Variants in C1orf174 observed in about 807,000 individuals in gnomAD.
C1orf174 encodes the protein UPF0688 protein C1orf174.
Under a neutral mutation model 18.4 loss-of-function variants are expected in C1orf174, and 13 were observed. The observed-to-expected ratio is 0.71, with a 90% CI of 0.46 to 1.12. The LOEUF (loss-of-function observed/expected upper bound fraction) is 1.12, where lower values mean the gene tolerates loss of function less well. C1orf174 is among the 50% of genes most tolerant of loss of function. The pLI is 0.00. For synonymous variants in C1orf174, 100 were observed against 118.3 expected (o/e 0.85, Z 1.01); for missense variants, 309 against 308.0 (o/e 1.00, Z -0.02).
intron 1 of C1orf174, chr1:3,896,143 G>T (rs76363675): frequency 6.6e-6 from 1 of 152,668 alleles, no homozygotes; most frequent in African/African-American, 2.4e-5. Flanking sequence ...AGGAGAGGCA[G>T]GATAGCAGTG....
chr1:3,900,264 G>A lies in C1orf174; in HGVS notation c.-78C>T, dbSNP rs1005750768. 6 of 1,453,954 alleles carry A rather than the reference G, an allele frequency of 4.1e-6. No homozygotes were observed. Among genetic ancestry groups the A allele is most frequent in the African/African-American group, 1.5e-5 (1 of 67,206 alleles). 90.1% of individuals were successfully genotyped at this position (1,453,954 alleles called of 1,614,324 possible). ...GGAGCGGCGACCCGGAGTCTGCAGA[G>A]CGCGCCGCGGCGGCGTCCGACGTCA... On this transcript the variant is annotated 5_prime_UTR_variant, in exon 1 of 4. Coordinates refer to ENST00000361605, the MANE Select transcript of C1orf174 (RefSeq NM_207356.3).
chr1:3,891,282 G>A (rs1281085501), intron 2 of C1orf174: 2 of 558,578 alleles, frequency 3.6e-6, no homozygotes, highest in Non-Finnish European at 3.0e-6. Context: ...TTCCCTAGTG[G>A]CGTTACAGCT....
Position 3,890,663 on chromosome 1 carries a change from G to A in C1orf174, c.524C>T (p.Pro175Leu). ...GACGCTGTTGTCCATCTGAAGTGGT[G>A]GCTTCTGCACATCCTCTGTCTGTAG... ...PGLQTEDVQK[P>L]PLQMDNSVFL... Residue 175 changes from proline to leucine, a missense_variant, in exon 3 of 4, where the codon CCA (proline) becomes CTA (leucine). Transcript: ENST00000361605. 2 of 1,614,094 alleles carry A rather than the reference G, an allele frequency of 1.2e-6. No homozygotes were observed. Among genetic ancestry groups the A allele is most frequent in the Non-Finnish European group, 8.5e-7 (1 of 1,180,026 alleles).
rs376565083 is a variant in C1orf174 at position 3,889,673 on chromosome 1, C to T, written c.*287G>A. Reference sequence around the variant, plus strand: ...TTGCGCCATTGCACTCCAGCCTGGGCGACAAGAGAGAAACTCTGTCTCCAA... The same window carrying T: ...TTGCGCCATTGCACTCCAGCCTGGGTGACAAGAGAGAAACTCTGTCTCCAA... On this transcript the variant is annotated 3_prime_UTR_variant, in exon 4 of 4. Transcript: ENST00000361605. 7.2e-4 allele frequency: 178 copies of T among 247,210 alleles called. No individual in the cohort carries two copies. Among genetic ancestry groups the T allele is most frequent in the African/African-American group, 2.9e-3 (115 of 39,290 alleles). The allele number at this position is 247,210 out of a possible 1,614,324, so 15.3% of individuals were successfully genotyped here. A position where few individuals can be genotyped will look rare whatever the true frequency, so the allele number is the denominator to read the frequency against.
In C1orf174 at chr1:3,890,687, A is replaced by G. The variant is rs185025590; in HGVS notation, c.500T>C (p.Leu167Pro). 23 of 1,614,026 alleles carry G rather than the reference A, an allele frequency of 1.4e-5. No individual in the cohort carries two copies. The highest frequency in any genetic ancestry group is 1.9e-5 in the Non-Finnish European group (23 of 1,180,014). The stretch of plus-strand genomic sequence containing the variant: ...TGGCTTCTGCACATCCTCTGTCTGT[A>G]GCCCTGGCTCATTCTGCTTCTGCAC... ...STVQKQNEPG[L>P]QTEDVQKPPL... The change falls in exon 3 of 4, where the codon CTA (leucine) becomes CCA (proline). Residue 167 changes from leucine (L) to proline (P), a missense_variant. Transcript: ENST00000361605.
Position 3,892,888 on chromosome 1 carries a change from A to G in C1orf174, c.124T>C (p.Cys42Arg), listed in dbSNP as rs1263404003. ...TCCACGGTAACAGGGCTCACCAGAC[A>G]TGCTGTCTTGGCAGACGTGGAACCA... The part of the protein sequence containing the change: ...VAGSTSAKTA[C>R]LTSSSHKATD... Residue 42 changes from cysteine (C) to arginine (R), a missense_variant, in exon 2 of 4, where the codon TGT becomes CGT. Coordinates refer to ENST00000361605, the MANE Select transcript of C1orf174 (RefSeq NM_207356.3). 2.5e-6 allele frequency: 4 copies of G among 1,614,176 alleles called. No homozygotes were observed. The highest frequency in any genetic ancestry group is 3.4e-6 in the Non-Finnish European group (4 of 1,180,014).
chr1:3,891,406 T>A, intron 2 of C1orf174: 1 of 219,706 alleles, frequency 4.6e-6, no homozygotes, highest in Non-Finnish European at 8.6e-6. Context: ...CAGCTTTCAT[T>A]CATTTCTGCT....
At position 3,889,345 on chromosome 1, in the gene C1orf174, C is replaced by T. The variant is rs1638442197; in HGVS notation, c.*615G>A. The T allele has an allele frequency of 6.6e-6, 1 of 152,384 alleles. No homozygotes were observed. The highest frequency in any genetic ancestry group is 2.4e-5 in the African/African-American group (1 of 41,440). The allele number at this position is 152,384 out of a possible 1,614,324, so 9.4% of individuals were successfully genotyped here. A position where few individuals can be genotyped will look rare whatever the true frequency, so the allele number is the denominator to read the frequency against. ...GAGCTGTCTTTACAAAGATCCCTCT[C>T]ATTAAGCCCACTGCCCTGCAGCTGA... On this transcript the variant is annotated 3_prime_UTR_variant, in exon 4 of 4. Coordinates refer to ENST00000361605, the MANE Select transcript of C1orf174 (RefSeq NM_207356.3).
intron 1 of C1orf174, 41 bp downstream of exon 1, chr1:3,900,131 C>T: frequency 1.9e-6 from 3 of 1,567,144 alleles, no homozygotes; most frequent in African/African-American, 1.4e-5. Context: ...CCAGAGTCCC[C>T]GCCCTGCCCG....
At chr1:3,899,807 G>A (rs1487431696) in intron 1 of C1orf174, among the ~76,000 whole-genome samples, 2 of 151,944 alleles carry the variant, frequency 1.3e-5, no homozygotes, top group South Asian at 2.1e-4. Context: ...GGCGTGGACC[G>A]GAGCCCCCCT....
Position 3,893,893 on chromosome 1 carries a change from C to T in C1orf174, c.16-897G>A, listed in dbSNP as rs114262484. On this transcript the variant is annotated intron_variant, in intron 1 of 3. Coordinates refer to ENST00000361605, the MANE Select transcript of C1orf174 (RefSeq NM_207356.3). The stretch of plus-strand genomic sequence containing the variant: ...CCTGGGTGACAGAGTGAGACAGTGT[C>T]TCTGAAAAAATAATAATAATAAAAT... Among the ~76,000 whole-genome samples the T allele has an allele frequency of 7.9e-3, 1,207 of 152,202 alleles. 9 individuals are homozygous for T. Among genetic ancestry groups the T allele is most frequent in the Admixed American group, 0.012 (191 of 15,292 alleles).
chr1:3,891,492 G>T, intron 2 of C1orf174: 1 of 666,718 alleles, frequency 1.5e-6, no homozygotes, highest in Non-Finnish European at 1.9e-6. Context: ...AGGTGCTCAA[G>T]AAATATTTGT....
intron 2 of C1orf174, chr1:3,891,386 TA>T: frequency 4.4e-6 from 1 of 228,352 alleles, no homozygotes; most frequent in Non-Finnish European, 8.3e-6. Flanking sequence ...ACAATTACAG[TA>T]AAAGAATCCA....
chr1:3,893,364 T>TA (rs908161500), intron 1 of C1orf174, among the ~76,000 whole-genome samples: 1 of 152,124 alleles, frequency 6.6e-6, no homozygotes, highest in African/African-American at 2.4e-5. Flanking sequence ...TCAAAGTTTT[T>TA]AAAAAAAGGT....
intron 1 of C1orf174, chr1:3,895,163 C>T (rs1027891328): frequency 1.3e-5 from 2 of 152,404 alleles, no homozygotes; most frequent in African/African-American, 4.8e-5. Context: ...TGTGGGGAGC[C>T]CAGCTCGGTG....
At chr1:3,896,678 G>T (rs1638610704) in intron 1 of C1orf174, among the ~76,000 whole-genome samples, 1 of 152,252 alleles carries the variant, frequency 6.6e-6, no homozygotes. Context: ...CCAGTTCGCA[G>T]AAGAGAACCA....
chr1:3,899,901 G>A (rs1194110742), intron 1 of C1orf174, among the ~76,000 whole-genome samples: 1 of 151,600 alleles, frequency 6.6e-6, no homozygotes, highest in Admixed American at 6.6e-5. Flanking sequence ...GGTAACCTGG[G>A]AGCCCCCTTC....
At position 3,897,535 on chromosome 1, in the gene C1orf174, CATT is replaced by C. The variant is rs111532258; in HGVS notation, c.15+2634_15+2636del. ...CAAGCTGCAGAGAAATGCTGGACAT[CATT>C]AAGTGCACTAACATACACAAAATAA... On this transcript the variant is annotated intron_variant, in intron 1 of 3. Coordinates refer to ENST00000361605, the MANE Select transcript of C1orf174 (RefSeq NM_207356.3). 9.3e-3 allele frequency among the ~76,000 whole-genome samples: 1,410 copies of C among 152,270 alleles called. 21 individuals are homozygous for C. The highest frequency in any genetic ancestry group is 0.032 in the African/African-American group (1,331 of 41,546).
At chr1:3,890,534 G>A in intron 3 of C1orf174, 35 bp downstream of exon 3, 1 of 1,607,668 alleles carries the variant, frequency 6.2e-7, no homozygotes, top group Non-Finnish European at 8.5e-7. Flanking sequence ...GCTGCTGCCT[G>A]AGTACCCACG....
Sources: gnomAD v4.1 joint callset for allele counts (sites outside exome capture counted in the v4.1 genomes callset) on GRCh38, gnomAD v4.1.1 for gene constraint, MANE v1.5 for transcripts, NCBI Gene and HGNC (gene_info 2026-07-23, HGNC 2026-07-21) for gene names.